NOVA1: variants seen among roughly 807,000 people sequenced by gnomAD.
NOVA1 encodes RNA-binding protein Nova-1.
NOVA1 carries 7 observed loss-of-function variants against 38.0 expected under a neutral mutation model. The observed-to-expected ratio is 0.18, with a 90% CI of 0.10 to 0.35. The LOEUF (loss-of-function observed/expected upper bound fraction) is 0.35. Among genes scored for constraint, NOVA1 ranks in the 10% least tolerant of loss-of-function variants. NOVA1 has a pLI of 1.00. For synonymous variants in NOVA1, 270 were observed against 232.5 expected, an observed-to-expected ratio of 1.16 and a Z score of -1.47; for missense variants, 460 against 616.0, an observed-to-expected ratio of 0.75 and a Z score of 2.68.
At chr14:26,592,210 T>G (rs1893892666) in intron 2 of NOVA1, among the ~76,000 whole-genome samples, 1 of 151,524 alleles carries the variant, frequency 6.6e-6, no homozygotes, top group African/African-American at 2.4e-5. Context: ...CCAATATGAT[T>G]ATTAACAAAA....
intron 2 of NOVA1, among the ~76,000 whole-genome samples, chr14:26,515,399 T>C (rs1281963043): frequency 1.3e-5 from 2 of 152,008 alleles, no homozygotes; most frequent in African/African-American, 4.8e-5. Context: ...TCAAAGTTGA[T>C]AACAATTGCA....
At position 26,448,383 on chromosome 14, in the gene NOVA1, C is replaced by A. The variant is rs1211192480; in HGVS notation, c.1100G>T (p.Ser367Ile). The stretch of plus-strand genomic sequence containing the variant: ...TGTGCTGCCACTGGCTGAGGCTTCA[C>A]TGGCATAGGTGGCCAATAAATTGGC... ...AAANLLATYA[S>I]EASASGSTAG... Residue 367 changes from serine to isoleucine, a missense_variant, in exon 5 of 5, where the codon AGT becomes ATT. By Grantham distance (142) the Ser-to-Ile change is moderately radical (BLOSUM62 -2). Transcript: ENST00000539517. This position sits in a 1 kb window ranked among gnomAD's most constrained non-coding sequence, Gnocchi z 5.3. 3 of 1,613,616 alleles carry A rather than the reference C, an allele frequency of 1.9e-6. No homozygotes were observed. Among genetic ancestry groups the A allele is most frequent in the South Asian group, 1.1e-5 (1 of 91,070 alleles).
chr14:26,596,858 T>C, intron 1 of NOVA1: 1 of 1,132,088 alleles, frequency 8.8e-7, no homozygotes. Flanking sequence ...GGCGCCCCAG[T>C]CATTCGCAAT....
At chr14:26,490,627 A>G (rs953727806) in intron 2 of NOVA1, among the ~76,000 whole-genome samples, 2 of 152,146 alleles carry the variant, frequency 1.3e-5, no homozygotes, top group African/African-American at 4.8e-5. Flanking sequence ...GTTCATTTGT[A>G]TATTTTCTTT....
intron 4 of NOVA1, among the ~76,000 whole-genome samples, chr14:26,453,742 G>T (rs1882925463): frequency 6.6e-6 from 1 of 152,024 alleles, no homozygotes; most frequent in Non-Finnish European, 1.5e-5. Flanking sequence ...CATTATCATG[G>T]CAGAAAAATC....
intron 2 of NOVA1, among the ~76,000 whole-genome samples, chr14:26,536,766 A>AT (rs1698148341): frequency 6.6e-6 from 1 of 152,130 alleles, no homozygotes. Flanking sequence ...CTATGTAAAA[A>AT]TTTTTTAATT....
At chr14:26,487,184 C>T (rs140265524) in intron 2 of NOVA1, among the ~76,000 whole-genome samples, 1 of 152,100 alleles carries the variant, frequency 6.6e-6, no homozygotes, top group Non-Finnish European at 1.5e-5. Flanking sequence ...GTAGTACATT[C>T]TTTCAGGGGA....
chr14:26,506,923 A>G (rs1887680426), intron 2 of NOVA1, among the ~76,000 whole-genome samples: 1 of 152,198 alleles, frequency 6.6e-6, no homozygotes, highest in Non-Finnish European at 1.5e-5. Flanking sequence ...TTGGTATCAG[A>G]TATTTGATAC....
intron 2 of NOVA1, among the ~76,000 whole-genome samples, chr14:26,481,988 T>TAAAAAAAAAAAAAAAAAAAAAAAAAAAA (rs372806170): frequency 2.8e-5 from 3 of 105,986 alleles, no homozygotes; most frequent in African/African-American, 1.0e-4. Context: ...TAGATAGAGA[T>TAAAAAAAAAAAAAAAAAAAAAAAAAAAA]AAAAAAAAAA....
chr14:26,558,764 A>G (rs1332919000), intron 2 of NOVA1, among the ~76,000 whole-genome samples: 1 of 152,178 alleles, frequency 6.6e-6, no homozygotes, highest in Non-Finnish European at 1.5e-5. Flanking sequence ...TTTTCATTTC[A>G]GAAAGCCAGA....
intron 4 of NOVA1, chr14:26,470,169 G>A: frequency 2.3e-6 from 2 of 856,804 alleles, no homozygotes; most frequent in Non-Finnish European, 3.0e-6. Context: ...CAGTCCATTA[G>A]TTCTTTTCAT....
At chr14:26,464,513 T>G (rs1449504487) in intron 4 of NOVA1, among the ~76,000 whole-genome samples, 2 of 152,226 alleles carry the variant, frequency 1.3e-5, no homozygotes, top group African/African-American at 4.8e-5. Flanking sequence ...TGACCTTACT[T>G]GGATCTATTT....
At chr14:26,531,374 G>A (rs1490889214) in intron 2 of NOVA1, among the ~76,000 whole-genome samples, 1 of 152,194 alleles carries the variant, frequency 6.6e-6, no homozygotes, top group Admixed American at 6.5e-5. Context: ...TTGGGAGGCT[G>A]AGGCAGGCAG....
At chr14:26,507,422 G>C (rs1453225774) in intron 2 of NOVA1, among the ~76,000 whole-genome samples, 2 of 152,102 alleles carry the variant, frequency 1.3e-5, no homozygotes, top group Non-Finnish European at 2.9e-5. Flanking sequence ...TATTAATGTG[G>C]CCAAACAAAT....
At chr14:26,510,207 A>G (rs553602364) in intron 2 of NOVA1, among the ~76,000 whole-genome samples, 1 of 152,200 alleles carries the variant, frequency 6.6e-6, no homozygotes, top group Non-Finnish European at 1.5e-5. Flanking sequence ...TTCCTTCTAT[A>G]CAGCACACAC....
intron 4 of NOVA1, among the ~76,000 whole-genome samples, chr14:26,463,407 G>A (rs995635876): frequency 3.3e-5 from 5 of 152,244 alleles, no homozygotes; most frequent in Non-Finnish European, 4.4e-5. Flanking sequence ...CTGATATAAA[G>A]TAGTGCAACT....
intron 2 of NOVA1, among the ~76,000 whole-genome samples, chr14:26,500,694 C>A (rs1417789096): frequency 6.6e-6 from 1 of 151,936 alleles, no homozygotes; most frequent in Non-Finnish European, 1.5e-5. Flanking sequence ...GAACTTATCA[C>A]TTCAAGAAAA....
At chr14:26,585,949 T>C (rs1184419650) in intron 2 of NOVA1, among the ~76,000 whole-genome samples, 1 of 151,460 alleles carries the variant, frequency 6.6e-6, no homozygotes, top group Admixed American at 6.6e-5. Context: ...CTATATCCAC[T>C]GTATTGGTAT....
intron 2 of NOVA1, among the ~76,000 whole-genome samples, chr14:26,577,496 T>C (rs1267177225): frequency 2.0e-5 from 3 of 152,118 alleles, no homozygotes; most frequent in Non-Finnish European, 4.4e-5. Context: ...GCCAACCATA[T>C]CTTTATGTTA....
Sources: gnomAD v4.1 joint callset for allele counts (sites outside exome capture counted in the v4.1 genomes callset) on GRCh38, gnomAD v4.1.1 for gene constraint, Gnocchi (gnomAD v3.1) non-coding constraint, MANE v1.5 for transcripts, NCBI Gene and HGNC (gene_info 2026-07-23, HGNC 2026-07-21) for gene names.